RTN4: variants seen among roughly 807,000 people sequenced by gnomAD.
RTN4 encodes the protein reticulon 4.
Under a neutral mutation model 90.4 loss-of-function variants are expected in RTN4, and 32 were observed. The observed-to-expected ratio is 0.35, with a 90% CI of 0.27 to 0.48. The LOEUF (loss-of-function observed/expected upper bound fraction) is 0.48, where lower values mean the gene tolerates loss of function less well. Among genes scored for constraint, RTN4 ranks in the 20% least tolerant of loss-of-function variants. RTN4 has a pLI of 0.99. For synonymous variants in RTN4, 629 were observed against 552.5 expected, an observed-to-expected ratio of 1.14 and a Z score of -1.94; for missense variants, 1,706 against 1,430.2, an observed-to-expected ratio of 1.19 and a Z score of -3.11.
In RTN4 at chr2:55,040,617, T is replaced by A. The variant is rs548800593; in HGVS notation, c.556+9128A>T. On this transcript the variant is annotated intron_variant, in intron 1 of 8. Coordinates refer to ENST00000337526, the MANE Select transcript of RTN4 (RefSeq NM_020532.5). ...GCTTCTCTCTTTCCACAAAAGCAGT[T>A]CACAGATCTGTAAATATGTCCTGTA... Among the ~76,000 whole-genome samples, 4 of 152,276 alleles carry A rather than the reference T, an allele frequency of 2.6e-5. No homozygotes were observed. In the East Asian group the frequency reaches 7.7e-4, roughly 29 times the overall value.
intron 1 of RTN4, among the ~76,000 whole-genome samples, chr2:55,045,793 A>G (rs1683380672): frequency 6.6e-6 from 1 of 152,236 alleles, no homozygotes; most frequent in Non-Finnish European, 1.5e-5. Flanking sequence ...CCAGATCTAC[A>G]TATTTTCGGT....
At chr2:55,088,887 C>T (rs1231801698) in intron 1 of RTN4, among the ~76,000 whole-genome samples, 1 of 152,082 alleles carries the variant, frequency 6.6e-6, no homozygotes, top group African/African-American at 2.4e-5. Context: ...TATTGGTCTC[C>T]CATCCTCTGG....
intron 3 of RTN4, among the ~76,000 whole-genome samples, chr2:55,022,148 G>C (rs1473188257): frequency 1.3e-5 from 2 of 152,146 alleles, no homozygotes; most frequent in Non-Finnish European, 2.9e-5. Flanking sequence ...AAATTCCTAA[G>C]GGCCACCATC....
intron 1 of RTN4, among the ~76,000 whole-genome samples, chr2:55,035,738 T>A (rs1347837663): frequency 6.6e-6 from 1 of 152,026 alleles, no homozygotes; most frequent in East Asian, 1.9e-4. Context: ...GAAGCAAGTA[T>A]TGAAAATAAA....
chr2:55,090,798 C>G (rs775962612), intron 1 of RTN4, among the ~76,000 whole-genome samples: 10 of 152,144 alleles, frequency 6.6e-5, no homozygotes, highest in African/African-American at 1.9e-4. Context: ...GGCTCCACCC[C>G]CTAAACATGC....
chr2:55,121,613 C>T, the RTN4 span, among the ~76,000 whole-genome samples: 1 of 152,124 alleles, frequency 6.6e-6, no homozygotes, highest in East Asian at 1.9e-4. Context: ...ATGACAGATC[C>T]TTTTATCCAC....
Position 55,044,785 on chromosome 2 carries a change from TAAAAAAAAAAA to T in RTN4, c.556+4949_556+4959del, listed in dbSNP as rs10639848. Among the ~76,000 whole-genome samples, 4 of 65,666 alleles carry T rather than the reference TAAAAAAAAAAA, an allele frequency of 6.1e-5. No homozygotes were observed. The Admixed American group carries it at 7.0e-4, about 11-fold the overall frequency. 43.1% of individuals were successfully genotyped at this position (65,666 alleles called of 152,430 possible). A position where few individuals can be genotyped will look rare whatever the true frequency, so the allele number is the denominator to read the frequency against. On this transcript the variant is annotated intron_variant, in intron 1 of 8. Transcript: ENST00000337526. The stretch of plus-strand genomic sequence containing the variant: ...GGATTTGAGAGAGTTTGCAAATCAC[TAAAAAAAAAAA>T]AAAAAAAAAAAAAAGACCACAAATT...
intron 5 of RTN4, among the ~76,000 whole-genome samples, chr2:54,979,723 G>A (rs1677965508): frequency 6.6e-6 from 1 of 152,144 alleles, no homozygotes; most frequent in Admixed American, 6.5e-5. Flanking sequence ...CCTTTCATGG[G>A]GAGAAAAGGA....
At chr2:55,091,766 T>C (rs548566625) in intron 1 of RTN4, among the ~76,000 whole-genome samples, 1 of 152,306 alleles carries the variant, frequency 6.6e-6, no homozygotes, top group African/African-American at 2.4e-5. Context: ...TAGTTGGACT[T>C]ACAGTTCCAC....
intron 2 of RTN4, among the ~76,000 whole-genome samples, chr2:55,055,986 T>G (rs1005505558): frequency 6.8e-6 from 1 of 148,008 alleles, no homozygotes; most frequent in Non-Finnish European, 1.5e-5. Context: ...ATATATGTGT[T>G]TGTGTGTGTG....
intron 1 of RTN4, among the ~76,000 whole-genome samples, chr2:55,039,006 G>A (rs1306012598): frequency 6.6e-6 from 1 of 152,206 alleles, no homozygotes; most frequent in Non-Finnish European, 1.5e-5. Context: ...CAAAATGTAT[G>A]ATTCCATTCA....
chr2:54,998,406 A>G (rs1679611615), intron 3 of RTN4, among the ~76,000 whole-genome samples: 1 of 152,214 alleles, frequency 6.6e-6, no homozygotes, highest in Non-Finnish European at 1.5e-5. Context: ...TAAATTTTCA[A>G]TATTACTGTT....
chr2:54,982,386 C>T, intron 5 of RTN4, 129 bp downstream of exon 5: 1 of 820,318 alleles, frequency 1.2e-6, no homozygotes, highest in Non-Finnish European at 1.8e-6. Flanking sequence ...TTTTAAAACA[C>T]AAGTTTACAG....
Position 55,078,130 on chromosome 2 carries a change from G to T in RTN4, c.-63+2359C>A, listed in dbSNP as rs145908939. Among the ~76,000 whole-genome samples the T allele has an allele frequency of 1.6e-3, 239 of 151,798 alleles. 6 individuals are homozygous for T. The East Asian group carries it at 0.039, about 24-fold the overall frequency. ...AAATCTCACAAACCACCACTAAAGA[G>T]CTTGTTCATGTAACCAAACACAACC... On this transcript the variant is annotated intron_variant, in intron 2 of 3. Coordinates refer to the RTN4 transcript ENST00000427710.
At chr2:55,042,341 G>A (rs1238242275) in intron 1 of RTN4, among the ~76,000 whole-genome samples, 1 of 152,096 alleles carries the variant, frequency 6.6e-6, no homozygotes, top group African/African-American at 2.4e-5. Context: ...ATACAAGAGT[G>A]TTCACAGAAA....
At chr2:55,010,097 C>T in intron 3 of RTN4, 1 of 1,613,652 alleles carries the variant, frequency 6.2e-7, no homozygotes, top group East Asian at 2.2e-5. Flanking sequence ...CCTTGTCCTT[C>T]CAATTTTTCT....
chr2:55,077,981 G>C (rs532756176), intron 2 of RTN4, among the ~76,000 whole-genome samples: 1 of 151,834 alleles, frequency 6.6e-6, no homozygotes, highest in South Asian at 2.1e-4. Flanking sequence ...GCATAAGAAT[G>C]ATACCATGGA....
Position 55,025,705 on chromosome 2 carries a change from T to C in RTN4, c.2394A>G (p.Pro798=), listed in dbSNP as rs754140132. The change falls in exon 3 of 9, where the codon CCA becomes CCG. Residue 798 remains proline, a synonymous_variant. Transcript: ENST00000337526. ...LSALPPEGGK[P]YLESFKLSLD... The stretch of plus-strand genomic sequence containing the variant: ...AACTGAGCTTAAAAGATTCCAAATA[T>C]GGCTTTCCTCCCTCAGGTGGCAAAG... 1.5e-5 allele frequency: 24 copies of C among 1,613,752 alleles called. No homozygotes were observed. The African/African-American group carries it at 2.5e-4, about 17-fold the overall frequency.
In RTN4 at chr2:55,025,079, G is replaced by A. The variant is rs1681717714; in HGVS notation, c.3013+7C>T. ...GAAAGCACAAAACTGCATATAGATTGGATTACCTGAAGTTTTACTCAGCTC... is the reference window on the plus strand; with the variant it reads ...GAAAGCACAAAACTGCATATAGATTAGATTACCTGAAGTTTTACTCAGCTC... On this transcript the variant is annotated splice_region_variant and intron_variant, in intron 3 of 8. Transcript: ENST00000337526. 2 of 1,588,836 alleles carry A rather than the reference G, an allele frequency of 1.3e-6. No individual in the cohort carries two copies. Among genetic ancestry groups the A allele is most frequent in the Admixed American group, 1.8e-5 (1 of 55,616 alleles).
Sources: allele counts gnomAD v4.1 joint callset (sites outside exome capture counted in the v4.1 genomes callset), GRCh38; gene constraint gnomAD v4.1.1; transcripts MANE v1.5; gene names NCBI Gene and HGNC (gene_info 2026-07-23, HGNC 2026-07-21).